CDH23: variants seen among roughly 807,000 people sequenced by gnomAD.
CDH23 encodes the protein cadherin-23.
Under a neutral mutation model 317.1 loss-of-function variants are expected in CDH23, and 189 were observed. The observed-to-expected ratio is 0.60, with a 90% CI of 0.53 to 0.67. CDH23 has a LOEUF of 0.67. Ranked by LOEUF, CDH23 falls within the 30% of genes least tolerant of loss-of-function variation. The probability of loss-of-function intolerance (pLI) is 0.00; values close to 1 mark genes in which losing one functional copy is unlikely to be tolerated. For missense variants in CDH23, 4,401 were observed against 4,592.4 expected (o/e 0.96, Z 1.20); for synonymous variants, 1,839 against 1,876.8 (o/e 0.98, Z 0.52).
chr10:71,739,630 T>A lies in CDH23; in HGVS notation c.4360-14T>A. On this transcript the variant is annotated splice_polypyrimidine_tract_variant and intron_variant, in intron 35 of 69. Coordinates refer to ENST00000224721, the MANE Select transcript of CDH23 (RefSeq NM_022124.6). ...CCACACCTGCTCACCCCTCACCCTCTCTTCTCCCCACAGGTGGTCTTCTCC... is the reference window on the plus strand; with the variant it reads ...CCACACCTGCTCACCCCTCACCCTCACTTCTCCCCACAGGTGGTCTTCTCC... 6.2e-7 allele frequency: 1 copy of A among 1,611,832 alleles called. No homozygotes were observed. The highest frequency in any genetic ancestry group is 8.5e-7 in the Non-Finnish European group (1 of 1,179,036).
At chr10:71,764,792 G>A (rs1180798395) in intron 38 of CDH23, among the ~76,000 whole-genome samples, 1 of 152,184 alleles carries the variant, frequency 6.6e-6, no homozygotes, top group East Asian at 1.9e-4. Context: ...GGACTCTACT[G>A]CCCAAACCCA....
intron 14 of CDH23, among the ~76,000 whole-genome samples, chr10:71,666,344 C>G (rs1863893349): frequency 6.6e-6 from 1 of 152,072 alleles, no homozygotes; most frequent in Non-Finnish European, 1.5e-5. Flanking sequence ...CATTGCCAAC[C>G]CAGGACGTGT....
At chr10:71,674,298 A>G (rs914910656) in intron 14 of CDH23, among the ~76,000 whole-genome samples, 1 of 152,246 alleles carries the variant, frequency 6.6e-6, no homozygotes, top group Non-Finnish European at 1.5e-5. Context: ...TACTAGATTT[A>G]ATAGACTCCA....
intron 44 of CDH23, among the ~76,000 whole-genome samples, chr10:71,786,005 A>T (rs932382063): frequency 6.6e-5 from 10 of 152,238 alleles, no homozygotes; most frequent in African/African-American, 2.2e-4. Flanking sequence ...AATATATGTG[A>T]AAGCCTCAGC....
rs550772819 is a variant in CDH23, at chr10:71,647,015, T to C, written c.1449+398T>C. On this transcript the variant is annotated intron_variant, in intron 14 of 69. Transcript: ENST00000224721. ...CAGAGAGGGGCAGGCGCCTGGAGGG[T>C]ACCGGGGCACCCCCAGCTGCCCATG... 21 of 985,130 alleles carry C rather than the reference T, an allele frequency of 2.1e-5. No homozygotes were observed. The East Asian group carries it at 2.4e-3, about 112-fold the overall frequency. The allele number at this position is 985,130 out of a possible 1,614,324, so 61.0% of individuals were successfully genotyped here. A position where few individuals can be genotyped will look rare whatever the true frequency, so the allele number is the denominator to read the frequency against.
Position 71,713,437 on chromosome 10 carries a change from G to A in CDH23, c.3369+624G>A. The A allele has an allele frequency of 5.0e-6, 3 of 600,916 alleles. No homozygotes were observed. In the South Asian group the frequency reaches 6.0e-5, roughly 12 times the overall value. The allele number at this position is 600,916 out of a possible 1,614,324, so 37.2% of individuals were successfully genotyped here. On this transcript the variant is annotated intron_variant, in intron 28 of 69. Transcript: ENST00000224721. ...ATGGGGTTTCCGACTCGGAGGCTGA[G>A]CCAAACAGGGAATCTGGGCCTGCCC... is the stretch of plus-strand genomic sequence containing the variant.
chr10:71,672,376 G>A (rs1864185571), intron 14 of CDH23, among the ~76,000 whole-genome samples: 1 of 151,976 alleles, frequency 6.6e-6, no homozygotes, highest in South Asian at 2.1e-4. Context: ...GCTGCAGCCC[G>A]GCACTGGCCC....
chr10:71,557,712 TCTTC>T (rs931690087), intron 6 of CDH23, among the ~76,000 whole-genome samples: 33 of 152,352 alleles, frequency 2.2e-4, no homozygotes, highest in Middle Eastern at 3.4e-3. Context: ...TGAGCTTATT[TCTTC>T]CTTAGTGTTT....
At position 71,719,344 on chromosome 10, in the gene CDH23, G is replaced by A. The variant is rs558930338; in HGVS notation, c.3370-4701G>A. Among the ~76,000 whole-genome samples the A allele has an allele frequency of 1.3e-3, 205 of 152,288 alleles. 1 individual carries two copies. Among genetic ancestry groups the A allele is most frequent in the Middle Eastern group, 3.4e-3 (1 of 294 alleles). ...GCCACTCCCTTCCCACTGGGGCCAG[G>A]GTGCACCAGCGGGCCCTGCTCTGGA... On this transcript the variant is annotated intron_variant, in intron 28 of 69. Coordinates refer to ENST00000224721, the MANE Select transcript of CDH23 (RefSeq NM_022124.6).
At chr10:71,670,389 T>C (rs1864096508) in intron 14 of CDH23, among the ~76,000 whole-genome samples, 1 of 152,178 alleles carries the variant, frequency 6.6e-6, no homozygotes, top group Non-Finnish European at 1.5e-5. Context: ...AAAAATGAGT[T>C]AGACAAACTT....
chr10:71,710,815 AG>A (rs1865944062), intron 27 of CDH23, among the ~76,000 whole-genome samples: 1 of 152,252 alleles, frequency 6.6e-6, no homozygotes, highest in South Asian at 2.1e-4. Context: ...CATGCACCGC[AG>A]CTGGCCCATG....
chr10:71,801,384 C>T (rs7091286), intron 53 of CDH23, among the ~76,000 whole-genome samples: 7,585 of 151,992 alleles, frequency 0.05, 490 homozygotes, highest in African/African-American at 0.15. Flanking sequence ...GAACTCCCGA[C>T]CTCAGGTGAT....
At chr10:71,594,459 C>T (rs565684980) in intron 9 of CDH23, among the ~76,000 whole-genome samples, 8 of 152,210 alleles carry the variant, frequency 5.3e-5, no homozygotes, top group Non-Finnish European at 7.4e-5. Context: ...CCACAAACTC[C>T]GCCTCCTGAG....
At chr10:71,679,715 T>C (rs1864533777) in intron 17 of CDH23, among the ~76,000 whole-genome samples, 1 of 152,202 alleles carries the variant, frequency 6.6e-6, no homozygotes, top group Non-Finnish European at 1.5e-5. Flanking sequence ...CTCTCTCTGG[T>C]TCTTAGGCCA....
chr10:71,558,512 G>A (rs1341422199), intron 6 of CDH23, among the ~76,000 whole-genome samples: 2 of 152,094 alleles, frequency 1.3e-5, no homozygotes, highest in Non-Finnish European at 2.9e-5. Context: ...AAGATGTTGT[G>A]TCTTGTCTTT....
At chr10:71,730,796 T>A (rs1019581976) in intron 31 of CDH23, among the ~76,000 whole-genome samples, 192 bp downstream of exon 31, 1 of 152,208 alleles carries the variant, frequency 6.6e-6, no homozygotes, top group Non-Finnish European at 1.5e-5. Flanking sequence ...AGGGTTGGAA[T>A]CAGGGAGAGT....
At chr10:71,795,833 C>A (rs1278464957) in intron 48 of CDH23, 1 of 987,480 alleles carries the variant, frequency 1.0e-6, no homozygotes, top group African/African-American at 1.7e-5. Context: ...GCTGGCAGGC[C>A]CACAGGTTTG....
At chr10:71,542,038 G>A (rs1007850803) in intron 6 of CDH23, among the ~76,000 whole-genome samples, 3 of 152,180 alleles carry the variant, frequency 2.0e-5, no homozygotes, top group African/African-American at 7.2e-5. Context: ...AAGACGGTAA[G>A]GACTTTTTTC....
At chr10:71,800,575 A>C in intron 52 of CDH23, 61 bp from the exon 53 acceptor site, 1 of 1,558,696 alleles carries the variant, frequency 6.4e-7, no homozygotes, top group Middle Eastern at 1.7e-4. Context: ...TGGCCATAGT[A>C]GGTGCTCAAT....
Sources: gnomAD v4.1 joint callset for allele counts (sites outside exome capture counted in the v4.1 genomes callset) on GRCh38, gnomAD v4.1.1 for gene constraint, MANE v1.5 for transcripts, NCBI Gene and HGNC (gene_info 2026-07-23, HGNC 2026-07-21) for gene names.